CLCN5: variants seen among roughly 807,000 people sequenced by gnomAD.
The protein encoded by CLCN5 is H(+)/Cl(-) exchange transporter 5.
A neutral mutation model predicts 54.0 loss-of-function variants in CLCN5; 17 were observed. The observed-to-expected ratio is 0.31, with a 90% confidence interval of 0.22 to 0.47. The LOEUF (loss-of-function observed/expected upper bound fraction) is 0.47, where lower values mean the gene tolerates loss of function less well. CLCN5 is among the 20% of genes least tolerant of loss of function. CLCN5 has a pLI of 1.00. For synonymous variants in CLCN5, 222 were observed against 233.0 expected, an observed-to-expected ratio of 0.95 and a Z score of 0.43; for missense variants, 448 against 646.7, an observed-to-expected ratio of 0.69 and a Z score of 3.33.
chrX:50,033,036 T>A (rs1398484242), intron 3 of CLCN5, among the ~76,000 whole-genome samples: 2 of 111,090 alleles, frequency 1.8e-5, no homozygotes, highest in East Asian at 5.7e-4. Context: ...GTTGTAGATA[T>A]GCGGCGTTAT....
At chrX:50,066,608 C>G (rs1356875552) in intron 4 of CLCN5, among the ~76,000 whole-genome samples, 2 of 111,680 alleles carry the variant, frequency 1.8e-5, no homozygotes, top group Non-Finnish European at 3.8e-5. Flanking sequence ...TTTTATTTTT[C>G]TTTACCGGAC....
chrX:50,070,548 GA>G (rs1285147909), intron 5 of CLCN5, among the ~76,000 whole-genome samples: 1 of 111,540 alleles, frequency 9.0e-6, no homozygotes, highest in African/African-American at 3.3e-5. Flanking sequence ...AGGAATAAAA[GA>G]AAAAAATCTC....
At chrX:50,065,905 C>T (rs1268084806) in intron 4 of CLCN5, among the ~76,000 whole-genome samples, 1 of 98,268 alleles carries the variant, frequency 1.0e-5, no homozygotes, top group South Asian at 5.0e-4. Flanking sequence ...AGTAAACTAT[C>T]GCAACAACAA....
intron 7 of CLCN5, among the ~76,000 whole-genome samples, chrX:50,077,890 T>G (rs191143147): frequency 1.1e-3 from 100 of 91,064 alleles, no homozygotes; most frequent in African/African-American, 3.6e-3. Flanking sequence ...TAGCCAGGCA[T>G]GGTGGTGAGC....
At chrX:49,947,550 C>T (rs1557172348) in intron 3 of CLCN5, among the ~76,000 whole-genome samples, 1 of 110,605 alleles carries the variant, frequency 9.0e-6, no homozygotes, top group Non-Finnish European at 1.9e-5. Flanking sequence ...GAGGGATTTC[C>T]CTCACCTCCT....
At chrX:49,966,580 A>T (rs1601988941) in intron 3 of CLCN5, among the ~76,000 whole-genome samples, 7 of 48,516 alleles carry the variant, frequency 1.4e-4, no homozygotes, top group African/African-American at 4.1e-4. Context: ...TGATTTTTAT[A>T]TCTCTGATCT....
chrX:49,998,862 T>C (rs1230997226), intron 3 of CLCN5, among the ~76,000 whole-genome samples: 1 of 110,413 alleles, frequency 9.1e-6, no homozygotes, highest in Non-Finnish European at 1.9e-5. Context: ...TTGAGTCTTC[T>C]ACACACACAC....
In CLCN5 at chrX:50,085,781, C is replaced by T. The variant is rs1933861980; in HGVS notation, c.934-199C>T. The T allele has an allele frequency of 4.6e-5, 21 of 455,702 alleles. 1 individual carries two copies. The South Asian group carries it at 6.2e-4, about 14-fold the overall frequency. The allele number at this position is 455,702 out of a possible 1,213,427, so 37.6% of individuals were successfully genotyped here. ...AAATGAATTACAAAGGAAAGGTCCT[C>T]TTACCTGGTCAAGCATGTGAACTAT... On this transcript the variant is annotated intron_variant, in intron 9 of 14. Coordinates refer to ENST00000376091, the MANE Select transcript of CLCN5 (RefSeq NM_001127898.4).
chrX:50,063,778 G>A (rs377628921), intron 4 of CLCN5, among the ~76,000 whole-genome samples: 4 of 110,606 alleles, frequency 3.6e-5, no homozygotes, highest in Admixed American at 9.6e-5. Context: ...CTGGCAAACC[G>A]AATCCAGCAG....
intron 3 of CLCN5, among the ~76,000 whole-genome samples, chrX:50,041,667 T>C (rs1932221450): frequency 8.9e-6 from 1 of 112,129 alleles, no homozygotes. Flanking sequence ...TACTGTTATG[T>C]TTGTACACAT....
intron 4 of CLCN5, chrX:50,068,271 C>G (rs1933107478): frequency 9.0e-6 from 1 of 111,050 alleles, no homozygotes; most frequent in South Asian, 3.9e-4. Flanking sequence ...TATCCTCTTT[C>G]TGCCCTCATT....
intron 3 of CLCN5, among the ~76,000 whole-genome samples, chrX:50,032,865 A>C (rs1298107526): frequency 9.1e-6 from 1 of 110,283 alleles, no homozygotes; most frequent in Admixed American, 9.6e-5. Flanking sequence ...TCTAACGTTT[A>C]AGTCTTTAAT....
chrX:49,926,129 AG>A (rs1362412352), intron 3 of CLCN5, among the ~76,000 whole-genome samples: 1 of 112,642 alleles, frequency 8.9e-6, no homozygotes, highest in Non-Finnish European at 1.9e-5. Flanking sequence ...AATATTCAGC[AG>A]GTTGGTTAGT....
chrX:49,924,102 T>C (rs1262443046), intron 2 of CLCN5, among the ~76,000 whole-genome samples: 4 of 110,710 alleles, frequency 3.6e-5, no homozygotes, highest in African/African-American at 1.3e-4. Flanking sequence ...TAAGTCAAAC[T>C]AAGTCGTCAG....
chrX:49,970,696 A>G (rs1928161826), intron 3 of CLCN5, among the ~76,000 whole-genome samples: 1 of 112,110 alleles, frequency 8.9e-6, no homozygotes, highest in Non-Finnish European at 1.9e-5. Flanking sequence ...CTTTTTGGCT[A>G]TTACAAATAA....
chrX:49,972,265 A>G (rs1160344429), intron 3 of CLCN5, among the ~76,000 whole-genome samples: 1 of 109,999 alleles, frequency 9.1e-6, no homozygotes, highest in East Asian at 2.9e-4. Flanking sequence ...CTCTTACACA[A>G]CTATAGTACA....
chrX:50,014,247 A>G (rs967447320), intron 3 of CLCN5, among the ~76,000 whole-genome samples: 3 of 111,098 alleles, frequency 2.7e-5, no homozygotes, highest in Non-Finnish European at 5.7e-5. Flanking sequence ...TAGACAGACA[A>G]AGTGCCTGTG....
chrX:50,062,180 A>G (rs1557190055), intron 4 of CLCN5, among the ~76,000 whole-genome samples: 1 of 94,900 alleles, frequency 1.1e-5, no homozygotes, highest in East Asian at 3.3e-4. Context: ...ATGTAAATGG[A>G]CTAAATTCTC....
intron 3 of CLCN5, among the ~76,000 whole-genome samples, chrX:49,942,698 T>C (rs941658122): frequency 9.1e-6 from 1 of 109,920 alleles, no homozygotes; most frequent in African/African-American, 3.3e-5. Flanking sequence ...AATGATGGTT[T>C]CCAGCTTCAT....
Sources: gnomAD v4.1 joint callset for allele counts (sites outside exome capture counted in the v4.1 genomes callset) on GRCh38, gnomAD v4.1.1 for gene constraint, MANE v1.5 for transcripts, NCBI Gene and HGNC (gene_info 2026-07-23, HGNC 2026-07-21) for gene names.